AGBL4: variants seen among roughly 807,000 people sequenced by gnomAD.
AGBL4 encodes cytosolic carboxypeptidase 6.
A neutral mutation model predicts 66.4 loss-of-function variants in AGBL4; 58 were observed. The observed-to-expected ratio is 0.87, with a 90% confidence interval of 0.71 to 1.09. The LOEUF (loss-of-function observed/expected upper bound fraction) is 1.09, where lower values mean the gene tolerates loss of function less well. Among genes scored for constraint, AGBL4 ranks in the 50% least tolerant of loss-of-function variants. The pLI, the probability that AGBL4 is intolerant of heterozygous loss-of-function variation, is 0.00. For missense variants in AGBL4, 579 were observed against 631.0 expected, an observed-to-expected ratio of 0.92 and a Z score of 0.88; for synonymous variants, 234 against 222.9, an observed-to-expected ratio of 1.05 and a Z score of -0.44.
At chr1:48,761,162 GC>G in intron 6 of AGBL4, 1 of 679,324 alleles carries the variant, frequency 1.5e-6, no homozygotes. Flanking sequence ...TAGAAAGTTG[GC>G]CAGCAAGGCA....
At chr1:48,773,856 T>G (rs1426913243) in intron 6 of AGBL4, among the ~76,000 whole-genome samples, 1 of 152,210 alleles carries the variant, frequency 6.6e-6, no homozygotes, top group Non-Finnish European at 1.5e-5. Context: ...CTTAGAGGAC[T>G]AACAGAGATA....
chr1:49,395,740 T>A (rs1386386713), intron 3 of AGBL4, among the ~76,000 whole-genome samples: 1 of 142,344 alleles, frequency 7.0e-6, no homozygotes, highest in Admixed American at 7.2e-5. Context: ...TGTGTATATA[T>A]ATATATGTAT....
intron 4 of AGBL4, among the ~76,000 whole-genome samples, chr1:49,049,130 C>T (rs1414354658): frequency 6.6e-6 from 1 of 152,116 alleles, no homozygotes; most frequent in African/African-American, 2.4e-5. Context: ...TTATATTCAA[C>T]TACTCATAAC....
chr1:49,539,588 A>C (rs1342502091), intron 3 of AGBL4, among the ~76,000 whole-genome samples: 1 of 152,114 alleles, frequency 6.6e-6, no homozygotes, highest in Non-Finnish European at 1.5e-5. Context: ...AACTCTTCCT[A>C]CTGGATTACT....
At position 48,549,046 on chromosome 1, in the gene AGBL4, T is replaced by C. The variant is rs1644210450; in HGVS notation, c.1268-9308A>G. ...CCTGCTTCCAAATAAGAAAATTGAA[T>C]TCCTACCTGCTCCCTGTTTGGAAAC... On this transcript the variant is annotated intron_variant, in intron 11 of 13. Transcript: ENST00000371839. Among the ~76,000 whole-genome samples the C allele has an allele frequency of 3.3e-5, 5 of 152,306 alleles. No individual in the cohort carries two copies. In the South Asian group the frequency reaches 1.0e-3, roughly 32 times the overall value.
intron 4 of AGBL4, among the ~76,000 whole-genome samples, chr1:49,156,763 G>A (rs946029612): frequency 6.6e-6 from 1 of 152,078 alleles, no homozygotes; most frequent in African/African-American, 2.4e-5. Context: ...CATCACTAAT[G>A]CCAGATTTTA....
chr1:48,648,089 A>C (rs538295230), intron 8 of AGBL4, among the ~76,000 whole-genome samples: 2 of 152,232 alleles, frequency 1.3e-5, no homozygotes, highest in East Asian at 3.9e-4. Context: ...CATCATAACC[A>C]TTTTTAAGTG....
At chr1:49,938,645 C>T (rs1267066378) in intron 1 of AGBL4, among the ~76,000 whole-genome samples, 1 of 152,148 alleles carries the variant, frequency 6.6e-6, no homozygotes, top group Admixed American at 6.6e-5. Context: ...AGCTTATCCA[C>T]CATGATCAAG....
At chr1:48,980,720 T>A (rs1659685653) in intron 5 of AGBL4, among the ~76,000 whole-genome samples, 1 of 80 alleles carries the variant, frequency 0.013, no homozygotes, top group East Asian at 0.045. Context: ...AAAGAAGAAA[T>A]ATATATATAT....
At chr1:49,011,910 T>C (rs1283401371) in intron 5 of AGBL4, among the ~76,000 whole-genome samples, 6 of 148,104 alleles carry the variant, frequency 4.1e-5, no homozygotes, top group South Asian at 4.5e-4. Context: ...AGGGATAGCA[T>C]TGGGAGATAT....
At position 49,895,293 on chromosome 1, in the gene AGBL4, G is replaced by A. The variant is rs368616961; in HGVS notation, c.35-43775C>T. Among the ~76,000 whole-genome samples the A allele has an allele frequency of 3.5e-4, 52 of 150,410 alleles. 1 individual carries two copies. In the South Asian group the frequency reaches 9.6e-3, roughly 28 times the overall value. On this transcript the variant is annotated intron_variant, in intron 1 of 13. Coordinates refer to ENST00000371839, the MANE Select transcript of AGBL4 (RefSeq NM_032785.4). ...CAATCATAAAGAAAGGGACATTAAT[G>A]AACACTAAGAAATCATCAGAAGGCA...
chr1:49,801,590 G>C (rs1644861994), intron 2 of AGBL4, among the ~76,000 whole-genome samples: 1 of 152,104 alleles, frequency 6.6e-6, no homozygotes, highest in Admixed American at 6.5e-5. Flanking sequence ...CATCCCTGAG[G>C]ATCTCAAATA....
intron 6 of AGBL4, among the ~76,000 whole-genome samples, chr1:48,734,338 A>G (rs376371055): frequency 5.9e-5 from 9 of 151,696 alleles, no homozygotes; most frequent in Admixed American, 3.3e-4. Flanking sequence ...GCCACCTTGA[A>G]CTCCAAAATA....
At chr1:48,597,686 GGGAGA>G (rs1414567862) in intron 9 of AGBL4, among the ~76,000 whole-genome samples, 1 of 145,546 alleles carries the variant, frequency 6.9e-6, no homozygotes, top group Admixed American at 6.9e-5. Context: ...GAAAGGAAAG[GGGAGA>G]GGAGAGGAGG....
intron 6 of AGBL4, among the ~76,000 whole-genome samples, chr1:48,843,288 T>G (rs1361622411): frequency 6.6e-6 from 1 of 152,180 alleles, no homozygotes; most frequent in African/African-American, 2.4e-5. Flanking sequence ...TATGTGTGAC[T>G]TACGATTTCT....
chr1:48,693,734 C>T (rs1005971967), intron 6 of AGBL4, among the ~76,000 whole-genome samples: 7 of 152,176 alleles, frequency 4.6e-5, no homozygotes, highest in African/African-American at 1.7e-4. Flanking sequence ...CACAGAACAG[C>T]CGTGGACCCC....
At chr1:49,067,808 C>A (rs867162444) in intron 4 of AGBL4, among the ~76,000 whole-genome samples, 3 of 152,070 alleles carry the variant, frequency 2.0e-5, no homozygotes, top group Middle Eastern at 3.4e-3. Context: ...GCACAATGTG[C>A]AGTTTTGTTA....
chr1:49,031,893 G>T (rs1557579077), intron 5 of AGBL4, among the ~76,000 whole-genome samples: 1 of 152,104 alleles, frequency 6.6e-6, no homozygotes, highest in Non-Finnish European at 1.5e-5. Context: ...TGATAAGTCT[G>T]TTAAAAGAGA....
intron 6 of AGBL4, among the ~76,000 whole-genome samples, chr1:48,666,639 T>C (rs939576027): frequency 1.3e-5 from 2 of 152,222 alleles, no homozygotes; most frequent in Non-Finnish European, 2.9e-5. Flanking sequence ...GCACTAGCTA[T>C]TATTATTTTC....
Sources: allele counts gnomAD v4.1 joint callset (sites outside exome capture counted in the v4.1 genomes callset), GRCh38; gene constraint gnomAD v4.1.1; transcripts MANE v1.5; gene names NCBI Gene and HGNC (gene_info 2026-07-23, HGNC 2026-07-21).